The following ANKFN1 variants were observed in gnomAD, a reference collection of about 807,000 sequenced individuals.
ANKFN1 encodes ankyrin repeat and fibronectin type III domain containing 1, also known as ankyrin repeat and fibronectin type-III domain-containing protein 1.
ANKFN1 carries 74 observed loss-of-function variants against 108.7 expected under a neutral mutation model. That is an observed-to-expected ratio of 0.68 (90% CI 0.56 to 0.83). ANKFN1 has a LOEUF of 0.83. Ranked by LOEUF, ANKFN1 falls within the 40% of genes least tolerant of loss-of-function variation. The probability of loss-of-function intolerance (pLI) is 0.00; values close to 1 mark genes in which losing one functional copy is unlikely to be tolerated. For missense variants in ANKFN1, 1,505 were observed against 1,382.3 expected, an observed-to-expected ratio of 1.09 and a Z score of -1.41; for synonymous variants, 547 against 516.2, an observed-to-expected ratio of 1.06 and a Z score of -0.81.
intron 15 of ANKFN1, among the ~76,000 whole-genome samples, 172 bp downstream of exon 15, chr17:56,466,743 A>T (rs1199673167): frequency 6.6e-6 from 1 of 152,178 alleles, no homozygotes; most frequent in Non-Finnish European, 1.5e-5. Context: ...CACTCCCTAG[A>T]TGTGGAATTC....
chr17:56,485,716 T>A (rs1221495088), intron 18 of ANKFN1, among the ~76,000 whole-genome samples: 1 of 152,230 alleles, frequency 6.6e-6, no homozygotes, highest in Non-Finnish European at 1.5e-5. Flanking sequence ...TGACGATGAC[T>A]AGAGCAATGT....
intron 4 of ANKFN1, among the ~76,000 whole-genome samples, chr17:56,094,480 T>C (rs1452809698): frequency 7.9e-5 from 10 of 126,096 alleles, no homozygotes; most frequent in East Asian, 2.1e-4. Context: ...TCTTCTTTTT[T>C]TTTTTTTTTT....
At chr17:56,113,562 T>G (rs1447115150) in intron 4 of ANKFN1, among the ~76,000 whole-genome samples, 1 of 152,176 alleles carries the variant, frequency 6.6e-6, no homozygotes, top group Non-Finnish European at 1.5e-5. Context: ...CATGGACAAG[T>G]TACACACCTT....
At chr17:56,231,136 AAT>A (rs1916703933) in intron 3 of ANKFN1, among the ~76,000 whole-genome samples, 1 of 152,024 alleles carries the variant, frequency 6.6e-6, no homozygotes, top group African/African-American at 2.4e-5. Context: ...TTTGGGTTAC[AAT>A]GTCAATCTTT....
At chr17:56,096,187 G>A (rs145275868) in intron 4 of ANKFN1, among the ~76,000 whole-genome samples, 245 of 152,286 alleles carry the variant, frequency 1.6e-3, no homozygotes, top group African/African-American at 5.1e-3. Context: ...TATGAGCTAC[G>A]TTTCCACAGG....
chr17:56,459,682 G>A (rs1044738944), intron 14 of ANKFN1, among the ~76,000 whole-genome samples: 6 of 152,110 alleles, frequency 3.9e-5, no homozygotes, highest in Non-Finnish European at 7.4e-5. Flanking sequence ...TTTCAAGGGG[G>A]GCTCTTTATT....
intron 3 of ANKFN1, among the ~76,000 whole-genome samples, chr17:56,307,621 C>G (rs560247649): frequency 4.6e-5 from 7 of 152,326 alleles, no homozygotes; most frequent in African/African-American, 1.7e-4. Flanking sequence ...CACTTTTACA[C>G]TGTTGGTGGG....
intron 3 of ANKFN1, among the ~76,000 whole-genome samples, chr17:56,262,362 A>G (rs2043535679): frequency 6.6e-6 from 1 of 152,152 alleles, no homozygotes; most frequent in African/African-American, 2.4e-5. Context: ...AGCCACCCAA[A>G]CACCTATTTT....
intron 3 of ANKFN1, among the ~76,000 whole-genome samples, chr17:56,281,787 A>G (rs1355121753): frequency 6.6e-6 from 1 of 152,190 alleles, no homozygotes; most frequent in African/African-American, 2.4e-5. Flanking sequence ...TAACATCACA[A>G]TGAAATACCC....
At chr17:56,480,200 A>C (rs2145363947) in intron 16 of ANKFN1, among the ~76,000 whole-genome samples, 1 of 152,308 alleles carries the variant, frequency 6.6e-6, no homozygotes, top group Non-Finnish European at 1.5e-5. Flanking sequence ...GAAAAACCAA[A>C]ATATCCCCCA....
chr17:56,050,820 G>A (rs1160346898), intron 4 of ANKFN1, among the ~76,000 whole-genome samples: 1 of 152,030 alleles, frequency 6.6e-6, no homozygotes, highest in Non-Finnish European at 1.5e-5. Context: ...AAATCTAGAA[G>A]AAATGGATAA....
chr17:56,503,160 T>G (rs2051430504), intron 20 of ANKFN1, among the ~76,000 whole-genome samples: 1 of 152,022 alleles, frequency 6.6e-6, no homozygotes, highest in Admixed American at 6.6e-5. Flanking sequence ...AATACTGCTG[T>G]TTCTCCTAGT....
At chr17:56,401,371 G>GTAT (rs1270229835) in intron 8 of ANKFN1, among the ~76,000 whole-genome samples, 3,251 of 21,258 alleles carry the variant, frequency 0.15, 134 homozygotes, top group East Asian at 0.26. Context: ...GTATTGTATT[G>GTAT]TGTTGTGTTG....
chr17:56,054,683 G>C (rs559688410), intron 4 of ANKFN1, among the ~76,000 whole-genome samples: 1 of 152,060 alleles, frequency 6.6e-6, no homozygotes, highest in Non-Finnish European at 1.5e-5. Flanking sequence ...AGTCTGAGGC[G>C]GGTGGATCAC....
At chr17:56,361,642 A>G (rs1305501202) in intron 6 of ANKFN1, among the ~76,000 whole-genome samples, 2 of 152,080 alleles carry the variant, frequency 1.3e-5, no homozygotes, top group Non-Finnish European at 2.9e-5. Context: ...AAAAATAGTA[A>G]ATGTTTGTCT....
intron 8 of ANKFN1, among the ~76,000 whole-genome samples, chr17:56,384,802 G>A (rs1451430319): frequency 6.6e-6 from 1 of 151,978 alleles, no homozygotes; most frequent in East Asian, 1.9e-4. Flanking sequence ...ACAAACCACT[G>A]CTCAATGAAA....
intron 4 of ANKFN1, among the ~76,000 whole-genome samples, chr17:56,124,428 C>G (rs1157772042): frequency 6.6e-6 from 1 of 152,188 alleles, no homozygotes; most frequent in Non-Finnish European, 1.5e-5. Flanking sequence ...TTCTTTGAGA[C>G]TCAGTGTGGT....
chr17:56,502,387 T>C (rs771387649), intron 20 of ANKFN1, among the ~76,000 whole-genome samples: 1 of 152,188 alleles, frequency 6.6e-6, no homozygotes, highest in South Asian at 2.1e-4. Flanking sequence ...ATTATTAACT[T>C]AAAATGTGAG....
At chr17:56,445,076 A>G (rs1430994382) in intron 10 of ANKFN1, among the ~76,000 whole-genome samples, 2 of 152,196 alleles carry the variant, frequency 1.3e-5, no homozygotes, top group African/African-American at 4.8e-5. Flanking sequence ...ATTTCTAGTC[A>G]TTTATTTCTA....
Sources: gnomAD v4.1 joint callset for allele counts (sites outside exome capture counted in the v4.1 genomes callset) on GRCh38, gnomAD v4.1.1 for gene constraint, MANE v1.5 for transcripts, NCBI Gene and HGNC (gene_info 2026-07-23, HGNC 2026-07-21) for gene names.